POLQ: variants seen among roughly 807,000 people sequenced by gnomAD.
The protein encoded by POLQ is DNA polymerase theta.
A neutral mutation model predicts 259.2 loss-of-function variants in POLQ; 233 were observed. That is an observed-to-expected ratio of 0.90 (90% CI 0.81 to 1.00). POLQ has a LOEUF of 1.00. Ranked by LOEUF, POLQ falls within the 50% of genes least tolerant of loss-of-function variation. POLQ has a pLI of 0.00. For synonymous variants in POLQ, 1,025 were observed against 1,048.8 expected, an observed-to-expected ratio of 0.98 and a Z score of 0.44; for missense variants, 2,871 against 3,051.6, an observed-to-expected ratio of 0.94 and a Z score of 1.39.
chr3:121,484,503 T>A (rs1415837306), intron 17 of POLQ, among the ~76,000 whole-genome samples: 2 of 152,194 alleles, frequency 1.3e-5, no homozygotes, highest in Non-Finnish European at 2.9e-5. Flanking sequence ...ACCCATAGCA[T>A]GAATAGCCTC....
Position 121,489,738 on chromosome 3 carries a change from T to A in POLQ, c.3193A>T (p.Ile1065Phe), listed in dbSNP as rs763997738. ...SPLKDSGACR[I>F]HLQGQTLSNP... is the part of the protein sequence containing the mutation. ...GACAGAGTCTGTCCTTGTAAATGGA[T>A]TCTACACGCTCCAGAGTCTTTCAGG... is the stretch of plus-strand genomic sequence containing the variant. The change falls in exon 16 of 30, where the codon ATC becomes TTC. Residue 1065 changes from isoleucine (I) to phenylalanine (F), a missense_variant. By Grantham distance (21) the Ile-to-Phe change is conservative (BLOSUM62 0). Around this residue, in one of 3 missense-constraint regions of POLQ, gnomAD observed 2,080 missense variants for 2,126.0 expected, o/e 0.98. Coordinates refer to ENST00000264233, the MANE Select transcript of POLQ (RefSeq NM_199420.4). 6.2e-7 allele frequency: 1 copy of A among 1,612,250 alleles called. No homozygotes were observed.
At chr3:121,494,362 G>A (rs1300796975) in intron 14 of POLQ, 25 of 1,597,088 alleles carry the variant, frequency 1.6e-5, no homozygotes, top group Non-Finnish European at 2.1e-5. Flanking sequence ...AGTTCACCCA[G>A]GCCCTGGACC....
chr3:121,473,033 G>A (rs2047898248), intron 21 of POLQ, among the ~76,000 whole-genome samples: 1 of 152,188 alleles, frequency 6.6e-6, no homozygotes, highest in Non-Finnish European at 1.5e-5. Flanking sequence ...AGACCAGCCT[G>A]GCCAACATGG....
chr3:121,491,444 A>T (rs1359049302), intron 15 of POLQ, among the ~76,000 whole-genome samples: 1 of 151,604 alleles, frequency 6.6e-6, no homozygotes, highest in Non-Finnish European at 1.5e-5. Context: ...ATATGAAGGG[A>T]CTAGAAAATG....
At chr3:121,495,563 G>C (rs891164914) in intron 14 of POLQ, among the ~76,000 whole-genome samples, 1 of 151,852 alleles carries the variant, frequency 6.6e-6, no homozygotes, top group African/African-American at 2.4e-5. Context: ...GTCCCTCCCG[G>C]CCGGGCGCGG....
chr3:121,441,240 A>C (rs572851089), intron 26 of POLQ, among the ~76,000 whole-genome samples: 10 of 152,238 alleles, frequency 6.6e-5, no homozygotes, highest in African/African-American at 2.2e-4. Context: ...TCAAATTGAA[A>C]GAGCTACTTT....
At chr3:121,531,111 C>T (rs1241205256) in intron 6 of POLQ, among the ~76,000 whole-genome samples, 1 of 152,034 alleles carries the variant, frequency 6.6e-6, no homozygotes, top group Admixed American at 6.6e-5. Flanking sequence ...CACTTGAACC[C>T]GGGAGGCGGA....
chr3:121,545,914 T>C lies in POLQ; in HGVS notation c.-37A>G. 6.2e-7 allele frequency: 1 copy of C among 1,611,454 alleles called. No homozygotes were observed. Among genetic ancestry groups the C allele is most frequent in the Non-Finnish European group, 8.5e-7 (1 of 1,178,914 alleles). ...CTCGGCCGATCAGGGCAAGCCACAG[T>C]CCCAGCGTCCTCCCTCTCGGGAGAA... is the stretch of plus-strand genomic sequence containing the variant. On this transcript the variant is annotated 5_prime_UTR_variant, in exon 1 of 30. Coordinates refer to ENST00000264233, the MANE Select transcript of POLQ (RefSeq NM_199420.4).
At chr3:121,544,627 C>A in intron 2 of POLQ, 100 bp downstream of exon 2, 1 of 699,322 alleles carries the variant, frequency 1.4e-6, no homozygotes, top group Non-Finnish European at 2.4e-6. Flanking sequence ...TTATAAAGCA[C>A]TGCCTCATTC....
At position 121,488,867 on chromosome 3, in the gene POLQ, T is replaced by C. The variant is rs1244051399; in HGVS notation, c.4064A>G (p.Gln1355Arg). The C allele has an allele frequency of 6.2e-7, 1 of 1,613,984 alleles. No homozygotes were observed. Among genetic ancestry groups the C allele is most frequent in the East Asian group, 2.2e-5 (1 of 44,892 alleles). ...KDTNLAAGIM[Q>R]KSLVQQNSMN... ...TGAGTTCTGTTGGACTAAGCTCTTC[T>C]GCATTATCCCTGCTGCCAGGTTGGT... Residue 1355 changes from glutamine (Q) to arginine (R), a missense_variant, in exon 16 of 30, where the codon CAG (glutamine) becomes CGG (arginine). Physicochemically the swap from Gln to Arg is conservative, Grantham distance 43 (BLOSUM62 1). This residue lies in a region of POLQ where 2,080 missense variants were observed against 2,126.0 expected (regional missense o/e 0.98). Coordinates refer to ENST00000264233, the MANE Select transcript of POLQ (RefSeq NM_199420.4).
intron 12 of POLQ, among the ~76,000 whole-genome samples, chr3:121,505,151 C>T (rs567127166): frequency 7.9e-4 from 120 of 152,108 alleles, no homozygotes; most frequent in African/African-American, 2.8e-3. Context: ...TGGCACTTCC[C>T]GCCTCTCTCT....
At chr3:121,502,293 TC>T (rs2048176902) in intron 12 of POLQ, among the ~76,000 whole-genome samples, 1 of 152,142 alleles carries the variant, frequency 6.6e-6, no homozygotes, top group Admixed American at 6.5e-5. Context: ...AACCTCTACC[TC>T]CCAGGTTCAA....
chr3:121,489,168 A>T lies in POLQ; in HGVS notation c.3763T>A (p.Leu1255Ile). ...ACAGTTCTGCTTATATCATCTCCTA[A>T]TGCCTGAAAATGACTTGGTTTATTT... ...EENKPSHFQALGDDISRTVIP... is the reference protein window; with the variant it reads ...EENKPSHFQAIGDDISRTVIP... The change falls in exon 16 of 30, where the codon TTA becomes ATA. Residue 1255 changes from leucine (L) to isoleucine (I), a missense_variant. Coordinates refer to ENST00000264233, the MANE Select transcript of POLQ (RefSeq NM_199420.4). The T allele has an allele frequency of 6.2e-7, 1 of 1,612,988 alleles. No homozygotes were observed. The highest frequency in any genetic ancestry group is 1.3e-5 in the African/African-American group (1 of 74,958).
At position 121,487,670 on chromosome 3, in the gene POLQ, T is replaced by G. The variant is rs369273292; in HGVS notation, c.5261A>C (p.Glu1754Ala). The part of the protein sequence containing the change: ...ASKLTFPGIL[E>A]TPVNPWKTNN... The stretch of plus-strand genomic sequence containing the variant: ...AGTTTTCCAAGGGTTTACAGGTGTT[T>G]CAAGAATCCCTGGAAATGTCAGCTT... Residue 1754 changes from glutamate (E) to alanine (A), a missense_variant, in exon 16 of 30, where the codon GAA (glutamate) becomes GCA (alanine). Glu to Ala is a moderately radical substitution (Grantham distance 107). Around this residue, in one of 3 missense-constraint regions of POLQ, gnomAD observed 2,080 missense variants for 2,126.0 expected, o/e 0.98. Transcript: ENST00000264233. 1 of 1,613,856 alleles carries G rather than the reference T, an allele frequency of 6.2e-7. No homozygotes were observed. Among genetic ancestry groups the G allele is most frequent in the Non-Finnish European group, 8.5e-7 (1 of 1,179,758 alleles).
At chr3:121,444,304 T>G (rs1040657595) in intron 26 of POLQ, among the ~76,000 whole-genome samples, 1 of 145,890 alleles carries the variant, frequency 6.9e-6, no homozygotes, top group Non-Finnish European at 1.5e-5. Flanking sequence ...CTTATATAGA[T>G]CTTTCACTTC....
At chr3:121,448,539 G>A (rs1038300201) in intron 26 of POLQ, among the ~76,000 whole-genome samples, 1 of 151,686 alleles carries the variant, frequency 6.6e-6, no homozygotes, top group Non-Finnish European at 1.5e-5. Flanking sequence ...GGTAATTTTT[G>A]TATTTTTAGT....
At chr3:121,465,217 G>C (rs1278909667) in intron 24 of POLQ, among the ~76,000 whole-genome samples, 2 of 151,460 alleles carry the variant, frequency 1.3e-5, no homozygotes. Flanking sequence ...ACAGCGTCCT[G>C]AGTAGCTGGG....
Position 121,473,441 on chromosome 3 carries a change from T to G in POLQ, c.6452A>C (p.Asn2151Thr). ...LKLPPNREMK[N>T]QGSKKTLGST... ...ACCCAGAGTTTTCTTGCTGCCTTGGTTTTTCATCTCTCTATTTGGGGGCAA... is the reference window on the plus strand; with the variant it reads ...ACCCAGAGTTTTCTTGCTGCCTTGGGTTTTCATCTCTCTATTTGGGGGCAA... The change falls in exon 21 of 30, where the codon AAC becomes ACC. Residue 2151 changes from asparagine to threonine, a missense_variant. By Grantham distance (65) the Asn-to-Thr change is moderately conservative. This residue lies in a region of POLQ where 2,080 missense variants were observed against 2,126.0 expected (regional missense o/e 0.98). Coordinates refer to ENST00000264233, the MANE Select transcript of POLQ (RefSeq NM_199420.4). 5.0e-6 allele frequency: 8 copies of G among 1,613,760 alleles called. No homozygotes were observed. Among genetic ancestry groups the G allele is most frequent in the Non-Finnish European group, 6.8e-6 (8 of 1,179,702 alleles).
In POLQ at chr3:121,490,381, C is replaced by T; in HGVS notation, c.2550G>A (p.Glu850=). 2 of 1,614,202 alleles carry T rather than the reference C, an allele frequency of 1.2e-6. No homozygotes were observed. The highest frequency in any genetic ancestry group is 1.7e-6 in the Non-Finnish European group (2 of 1,180,012). ...KSARKAVDEE[E]EAVEERRNMR... is the part of the protein sequence containing the mutation. ...TATTGCGACGTTCTTCAACTGCTTC[C>T]TCTTCCTCATCCACTGCCTTCCGGG... The change falls in exon 16 of 30, where the codon GAG becomes GAA. Residue 850 remains glutamate (E), a synonymous_variant. Transcript: ENST00000264233.
Sources: gnomAD v4.1 joint callset for allele counts (sites outside exome capture counted in the v4.1 genomes callset) on GRCh38, gnomAD v4.1.1 for gene constraint, gnomAD v4.1.1 regional missense constraint, MANE v1.5 for transcripts, NCBI Gene and HGNC (gene_info 2026-07-23, HGNC 2026-07-21) for gene names.